LRRC8C: variants seen among roughly 807,000 people sequenced by gnomAD.
LRRC8C encodes volume-regulated anion channel subunit LRRC8C.
LRRC8C carries 20 observed loss-of-function variants against 55.3 expected under a neutral mutation model. The ratio of observed to expected loss-of-function variants is 0.36; its 90% CI spans 0.25 to 0.53. LRRC8C has a LOEUF of 0.53. Ranked by LOEUF, LRRC8C falls within the 20% of genes least tolerant of loss-of-function variation. The probability of loss-of-function intolerance (pLI) is 0.92; values close to 1 mark genes in which losing one functional copy is unlikely to be tolerated. For missense variants in LRRC8C, 659 were observed against 951.4 expected (o/e 0.69, Z 4.04); for synonymous variants, 376 against 360.7 (o/e 1.04, Z -0.48).
chr1:89,715,422 C>A lies in LRRC8C; in HGVS notation c.*440C>A, dbSNP rs1336242264. The A allele has an allele frequency of 6.6e-6, 1 of 152,586 alleles. No individual in the cohort carries two copies. Among genetic ancestry groups the A allele is most frequent in the Non-Finnish European group, 1.5e-5 (1 of 68,470 alleles). The allele number at this position is 152,586 out of a possible 1,614,324, so 9.5% of individuals were successfully genotyped here. ...GAATCTGTGCTAGTTATTTTAATACCAGCTGTCTTCTCCATTGGCCAAGAC... is the reference window on the plus strand; with the variant it reads ...GAATCTGTGCTAGTTATTTTAATACAAGCTGTCTTCTCCATTGGCCAAGAC... On this transcript the variant is annotated 3_prime_UTR_variant, in exon 3 of 3. Transcript: ENST00000370454.
intron 1 of LRRC8C, among the ~76,000 whole-genome samples, chr1:89,637,945 C>T (rs112877120): frequency 0.014 from 2,063 of 152,130 alleles, 20 homozygotes; most frequent in South Asian, 0.034. Flanking sequence ...GTCTAACATT[C>T]GGTGTATCTA....
intron 2 of LRRC8C, among the ~76,000 whole-genome samples, chr1:89,693,511 A>T (rs1658079254): frequency 6.6e-6 from 1 of 152,064 alleles, no homozygotes; most frequent in East Asian, 1.9e-4. Context: ...AATTTTATAG[A>T]TAGAAGCCCA....
At chr1:89,679,080 G>A (rs1657631243) in intron 1 of LRRC8C, among the ~76,000 whole-genome samples, 1 of 152,146 alleles carries the variant, frequency 6.6e-6, no homozygotes, top group African/African-American at 2.4e-5. Context: ...AATGCATTAG[G>A]GAAGACAAGA....
chr1:89,652,677 C>T (rs1326295107), intron 1 of LRRC8C, among the ~76,000 whole-genome samples: 1 of 152,098 alleles, frequency 6.6e-6, no homozygotes, highest in African/African-American at 2.4e-5. Flanking sequence ...TGCAGATCAC[C>T]AGATCCACTG....
the LRRC8C span, among the ~76,000 whole-genome samples, chr1:89,622,576 G>A: frequency 7.2e-5 from 11 of 152,104 alleles, no homozygotes; most frequent in East Asian, 1.2e-3. Context: ...CTTGCGATCC[G>A]CCCGCCTCGG....
intron 1 of LRRC8C, among the ~76,000 whole-genome samples, chr1:89,684,290 G>T (rs901274462): frequency 2.0e-5 from 3 of 152,094 alleles, no homozygotes; most frequent in Non-Finnish European, 4.4e-5. Context: ...TTTCCTCTAC[G>T]ATGTAAAGAA....
intron 1 of LRRC8C, among the ~76,000 whole-genome samples, chr1:89,640,687 G>A (rs989753306): frequency 6.6e-6 from 1 of 152,168 alleles, no homozygotes; most frequent in Middle Eastern, 3.2e-3. Flanking sequence ...GGACAACTGT[G>A]ACCAGAAAGT....
intron 1 of LRRC8C, among the ~76,000 whole-genome samples, chr1:89,681,500 C>G (rs1657708357): frequency 6.6e-6 from 1 of 152,196 alleles, no homozygotes; most frequent in African/African-American, 2.4e-5. Flanking sequence ...AAAGACATGC[C>G]TGAGACTGGG....
rs552221064 is a variant in LRRC8C, at chr1:89,681,097, T to C, written c.-4-5373T>C. Among the ~76,000 whole-genome samples the C allele has an allele frequency of 2.6e-5, 4 of 152,338 alleles. No homozygotes were observed. The East Asian group carries it at 7.7e-4, about 29-fold the overall frequency. ...AAATGTTTAACTAGAAATAAAATTA[T>C]GCTGATTGATCTTTATCTCCCTATT... is the stretch of plus-strand genomic sequence containing the variant. On this transcript the variant is annotated intron_variant, in intron 1 of 2. Coordinates refer to ENST00000370454, the MANE Select transcript of LRRC8C (RefSeq NM_032270.5).
At chr1:89,669,323 T>C (rs930354397) in intron 1 of LRRC8C, among the ~76,000 whole-genome samples, 1 of 152,102 alleles carries the variant, frequency 6.6e-6, no homozygotes, top group Admixed American at 6.6e-5. Context: ...GGGCATAAAG[T>C]TTCTGTTTGC....
At chr1:89,703,345 T>A in intron 2 of LRRC8C, among the ~76,000 whole-genome samples, 1 of 152,268 alleles carries the variant, frequency 6.6e-6, no homozygotes, top group Middle Eastern at 3.4e-3. Flanking sequence ...TACCAAATAG[T>A]TACTGAAGAA....
In LRRC8C at chr1:89,713,804, G is replaced by C. The variant is rs1174180123; in HGVS notation, c.1234G>C (p.Asp412His). The C allele has an allele frequency of 6.2e-7, 1 of 1,614,110 alleles. No individual in the cohort carries two copies. Among genetic ancestry groups the C allele is most frequent in the African/African-American group, 1.3e-5 (1 of 74,924 alleles). Reference protein sequence around the residue: ...QLNLNNEWTPDKLRQKLQTNA... With the variant: ...QLNLNNEWTPHKLRQKLQTNA... ...GAACTTAAATAACGAATGGACTCCT[G>C]ATAAACTGAGGCAGAAGCTACAGAC... is the stretch of plus-strand genomic sequence containing the variant. The change falls in exon 3 of 3, where the codon GAT becomes CAT. Residue 412 changes from aspartate to histidine, a missense_variant. Around this residue, in one of 5 missense-constraint regions of LRRC8C, gnomAD observed 344 missense variants for 464.6 expected, o/e 0.74. Coordinates refer to ENST00000370454, the MANE Select transcript of LRRC8C (RefSeq NM_032270.5). The surrounding 1 kb of genome is among the most constrained non-coding windows in gnomAD (Gnocchi z 5.2).
At position 89,716,283 on chromosome 1, in the gene LRRC8C, C is replaced by T. The variant is rs1403544071; in HGVS notation, c.*1301C>T. On this transcript the variant is annotated 3_prime_UTR_variant, in exon 3 of 3. Coordinates refer to ENST00000370454, the MANE Select transcript of LRRC8C (RefSeq NM_032270.5). ...TTGAACATCCTCAGATTTTGGTGTT[C>T]GAGGGCATCCTGGAATCAATTCCCC... The T allele has an allele frequency of 1.3e-5, 2 of 152,106 alleles. No homozygotes were observed. Among genetic ancestry groups the T allele is most frequent in the Admixed American group, 6.5e-5 (1 of 15,274 alleles). The allele number at this position is 152,106 out of a possible 1,614,324, so 9.4% of individuals were successfully genotyped here. A position where few individuals can be genotyped will look rare whatever the true frequency, so the allele number is the denominator to read the frequency against.
chr1:89,692,632 G>C (rs1331516555), intron 2 of LRRC8C, among the ~76,000 whole-genome samples: 1 of 152,156 alleles, frequency 6.6e-6, no homozygotes, highest in Non-Finnish European at 1.5e-5. Context: ...CATGAAATAA[G>C]AGCATGTATA....
At chr1:89,656,688 A>G (rs961296087) in intron 1 of LRRC8C, among the ~76,000 whole-genome samples, 2 of 152,242 alleles carry the variant, frequency 1.3e-5, no homozygotes, top group Admixed American at 6.5e-5. Context: ...TGGAAAAAAT[A>G]GCAAATGTTT....
the LRRC8C span, among the ~76,000 whole-genome samples, chr1:89,620,669 T>TA: frequency 3.3e-5 from 5 of 152,298 alleles, no homozygotes; most frequent in Middle Eastern, 3.4e-3. Context: ...AATGCAGGTT[T>TA]AAATCCAGGT....
intron 1 of LRRC8C, among the ~76,000 whole-genome samples, chr1:89,670,670 A>G (rs912365217): frequency 3.9e-5 from 6 of 152,208 alleles, no homozygotes; most frequent in Admixed American, 2.0e-4. Context: ...CTCTTTACAA[A>G]TCTATTTGGT....
At chr1:89,653,681 G>A (rs1395800729) in intron 1 of LRRC8C, among the ~76,000 whole-genome samples, 1 of 152,112 alleles carries the variant, frequency 6.6e-6, no homozygotes, top group East Asian at 1.9e-4. Context: ...TAAAGATTGA[G>A]CCTGCAGGTT....
intron 1 of LRRC8C, among the ~76,000 whole-genome samples, chr1:89,659,153 TG>T (rs1657046140): frequency 6.7e-6 from 1 of 149,626 alleles, no homozygotes; most frequent in African/African-American, 2.5e-5. Flanking sequence ...TCTCAAACTC[TG>T]GGGCTCAAGC....
Sources: allele counts gnomAD v4.1 joint callset (sites outside exome capture counted in the v4.1 genomes callset), GRCh38; gene constraint gnomAD v4.1.1; regional missense constraint gnomAD v4.1.1; non-coding constraint Gnocchi (gnomAD v3.1); transcripts MANE v1.5; gene names NCBI Gene and HGNC (gene_info 2026-07-23, HGNC 2026-07-21).